ADAMTS19: variants seen among roughly 807,000 people sequenced by gnomAD.
ADAMTS19 encodes the protein ADAM metallopeptidase with thrombospondin type 1 motif 19.
ADAMTS19 carries 93 observed loss-of-function variants against 153.3 expected under a neutral mutation model. The observed-to-expected ratio is 0.61, with a 90% CI of 0.51 to 0.72. ADAMTS19 has a LOEUF of 0.72. ADAMTS19 is among the 30% of genes least tolerant of loss of function. ADAMTS19 has a pLI of 0.00. For missense variants in ADAMTS19, 1,482 were observed against 1,552.1 expected (o/e 0.95, Z 0.76); for synonymous variants, 600 against 556.6 (o/e 1.08, Z -1.10).
At chr5:129,617,276 G>T (rs1290205445) in intron 8 of ADAMTS19, among the ~76,000 whole-genome samples, 1 of 151,974 alleles carries the variant, frequency 6.6e-6, no homozygotes, top group Non-Finnish European at 1.5e-5. Context: ...GGTAAACAAT[G>T]CTTGAATCAC....
At chr5:129,642,392 T>C in intron 11 of ADAMTS19, among the ~76,000 whole-genome samples, 1 of 152,162 alleles carries the variant, frequency 6.6e-6, no homozygotes, top group Non-Finnish European at 1.5e-5. Context: ...TAATCATCCA[T>C]AAAATATTCC....
chr5:129,490,291 A>G (rs1750723925), intron 2 of ADAMTS19, among the ~76,000 whole-genome samples: 2 of 152,204 alleles, frequency 1.3e-5, no homozygotes, highest in Admixed American at 6.5e-5. Context: ...TAAGTGATAT[A>G]GTAACTTCCC....
chr5:129,520,369 G>T (rs1298353120), intron 3 of ADAMTS19, among the ~76,000 whole-genome samples: 2 of 152,068 alleles, frequency 1.3e-5, no homozygotes, highest in African/African-American at 2.4e-5. Flanking sequence ...TAAAATGCTG[G>T]ATATAAAGTT....
intron 7 of ADAMTS19, among the ~76,000 whole-genome samples, chr5:129,591,391 C>T (rs1750126682): frequency 6.6e-6 from 1 of 151,648 alleles, no homozygotes; most frequent in South Asian, 2.1e-4. Context: ...ATCCCAGGTT[C>T]AAGCAATTCT....
intron 14 of ADAMTS19, among the ~76,000 whole-genome samples, chr5:129,656,495 A>G (rs1251996298): frequency 6.6e-6 from 1 of 152,038 alleles, no homozygotes; most frequent in Non-Finnish European, 1.5e-5. Context: ...TGGTTCTGTG[A>G]TTTTCTCTTA....
chr5:129,596,742 T>G (rs1426840725), intron 8 of ADAMTS19, 78 bp downstream of exon 8: 4 of 1,061,760 alleles, frequency 3.8e-6, no homozygotes, highest in African/African-American at 3.3e-5. Flanking sequence ...CCTGGATATC[T>G]TCTGATTTTT....
chr5:129,465,640 C>T (rs948961900), intron 2 of ADAMTS19, among the ~76,000 whole-genome samples: 1 of 152,032 alleles, frequency 6.6e-6, no homozygotes, highest in African/African-American at 2.4e-5. Context: ...CCCATTTAGA[C>T]AAGGCAGTAT....
intron 21 of ADAMTS19, among the ~76,000 whole-genome samples, chr5:129,720,691 T>G (rs116419629): frequency 0.013 from 1,952 of 152,224 alleles, 35 homozygotes; most frequent in African/African-American, 0.043. Flanking sequence ...GCCCATGGAG[T>G]GCAGAAGCCA....
intron 7 of ADAMTS19, among the ~76,000 whole-genome samples, chr5:129,559,375 ACAT>A (rs1365647272): frequency 1.3e-5 from 2 of 152,078 alleles, no homozygotes; most frequent in Non-Finnish European, 2.9e-5. Flanking sequence ...GGAAGATAAT[ACAT>A]CAAGGGTGAA....
intron 6 of ADAMTS19, 134 bp downstream of exon 6, chr5:129,528,811 G>A (rs948674064): frequency 4.8e-6 from 3 of 625,948 alleles, no homozygotes; most frequent in African/African-American, 2.0e-5. Flanking sequence ...AATGATGTTA[G>A]TCATCTCCCT....
chr5:129,624,660 C>T (rs879792867), intron 10 of ADAMTS19, among the ~76,000 whole-genome samples: 6 of 152,098 alleles, frequency 3.9e-5, no homozygotes, highest in Non-Finnish European at 4.4e-5. Flanking sequence ...CAACTACACA[C>T]GATTCTGTTA....
intron 7 of ADAMTS19, among the ~76,000 whole-genome samples, chr5:129,584,828 C>G (rs995143958): frequency 1.3e-5 from 2 of 152,218 alleles, no homozygotes; most frequent in African/African-American, 4.8e-5. Context: ...TCTTAGCTTG[C>G]TGGGCTCCAT....
At chr5:129,689,587 G>A (rs1755241044) in intron 18 of ADAMTS19, among the ~76,000 whole-genome samples, 1 of 151,978 alleles carries the variant, frequency 6.6e-6, no homozygotes, top group African/African-American at 2.4e-5. Context: ...ACCACACCCA[G>A]CTAATTTTTT....
chr5:129,707,790 C>T (rs1167344354), intron 21 of ADAMTS19, among the ~76,000 whole-genome samples: 1 of 152,132 alleles, frequency 6.6e-6, no homozygotes, highest in African/African-American at 2.4e-5. Context: ...AGTGTCAATA[C>T]TAAAGTGGAC....
intron 2 of ADAMTS19, among the ~76,000 whole-genome samples, chr5:129,508,813 A>G (rs1207682499): frequency 2.6e-5 from 4 of 152,010 alleles, no homozygotes; most frequent in African/African-American, 9.7e-5. Context: ...CAAAATTTTT[A>G]CTGTGCATCT....
At chr5:129,727,535 A>C (rs1757256369) in intron 21 of ADAMTS19, among the ~76,000 whole-genome samples, 1 of 152,216 alleles carries the variant, frequency 6.6e-6, no homozygotes, top group Non-Finnish European at 1.5e-5. Context: ...GAGAAATATT[A>C]GCAACTTTCA....
rs143484803 is a variant in ADAMTS19 at position 129,669,633 on chromosome 5, T to C, written c.2506+4054T>C. ...CACTTATCTCTAATCTAATCTTATC[T>C]GCTTTCTTCTACTAGTTTGGGATTC... On this transcript the variant is annotated intron_variant, in intron 16 of 22. Transcript: ENST00000274487. Among the ~76,000 whole-genome samples, 538 of 152,248 alleles carry C rather than the reference T, an allele frequency of 3.5e-3. 6 individuals carry two copies. Among genetic ancestry groups the C allele is most frequent in the Non-Finnish European group, 5.0e-3 (339 of 68,000 alleles).
At chr5:129,512,264 A>C (rs1420619015) in intron 3 of ADAMTS19, among the ~76,000 whole-genome samples, 1 of 152,066 alleles carries the variant, frequency 6.6e-6, no homozygotes. Flanking sequence ...TAACCAGGCC[A>C]CTACTGAACT....
intron 16 of ADAMTS19, among the ~76,000 whole-genome samples, chr5:129,669,234 T>C (rs1458745272): frequency 1.3e-5 from 2 of 152,114 alleles, no homozygotes; most frequent in Admixed American, 1.3e-4. Flanking sequence ...TAAAACTATA[T>C]GAAAAAGCTT....
Sources: allele counts gnomAD v4.1 joint callset (sites outside exome capture counted in the v4.1 genomes callset), GRCh38; gene constraint gnomAD v4.1.1; transcripts MANE v1.5; gene names NCBI Gene and HGNC (gene_info 2026-07-23, HGNC 2026-07-21).